ALPK1: variants seen among roughly 807,000 people sequenced by gnomAD.
ALPK1 encodes alpha kinase 1, also known as alpha-protein kinase 1.
ALPK1 carries 110 observed loss-of-function variants against 120.6 expected under a neutral mutation model. The ratio of observed to expected loss-of-function variants is 0.91; its 90% confidence interval spans 0.78 to 1.07. The LOEUF (loss-of-function observed/expected upper bound fraction) is 1.07. Among genes scored for constraint, ALPK1 ranks in the 50% least tolerant of loss-of-function variants. The probability of loss-of-function intolerance (pLI) is 0.00; values close to 1 mark genes in which losing one functional copy is unlikely to be tolerated. For missense variants in ALPK1, 1,498 were observed against 1,483.9 expected, an observed-to-expected ratio of 1.01 and a Z score of -0.16; for synonymous variants, 582 against 560.3, an observed-to-expected ratio of 1.04 and a Z score of -0.55.
intron 5 of ALPK1, chr4:112,415,261 A>G (rs965135740): frequency 7.2e-5 from 11 of 152,354 alleles, no homozygotes; most frequent in African/African-American, 2.2e-4. Context: ...ATGCAAAACT[A>G]TACTCTAGAG....
chr4:112,435,317 A>G lies in ALPK1; in HGVS notation c.3188+16A>G, dbSNP rs1224963131. Reference sequence around the variant, plus strand: ...TTCTGGGGAGGTATTACTTAAAAACATTTGTATAACTAATGTAAGATGAGC... The same window carrying G: ...TTCTGGGGAGGTATTACTTAAAAACGTTTGTATAACTAATGTAAGATGAGC... On this transcript the variant is annotated intron_variant, in intron 12 of 15. Coordinates refer to ENST00000650871, the MANE Select transcript of ALPK1 (RefSeq NM_025144.4). 2 of 1,603,332 alleles carry G rather than the reference A, an allele frequency of 1.2e-6. No homozygotes were observed. The highest frequency in any genetic ancestry group is 1.7e-6 in the Non-Finnish European group (2 of 1,175,862).
chr4:112,328,911 C>A (rs1729233986), intron 2 of ALPK1, among the ~76,000 whole-genome samples: 1 of 152,162 alleles, frequency 6.6e-6, no homozygotes, highest in African/African-American at 2.4e-5. Flanking sequence ...GTCATTATCC[C>A]CAGAGAGCCT....
At chr4:112,309,375 T>G (rs1728288651) in intron 1 of ALPK1, among the ~76,000 whole-genome samples, 1 of 152,186 alleles carries the variant, frequency 6.6e-6, no homozygotes. Context: ...GCAGGCCTCC[T>G]TGAGCTACGG....
chr4:112,384,988 G>A (rs1187996217), intron 4 of ALPK1: 1 of 152,156 alleles, frequency 6.6e-6, no homozygotes, highest in Non-Finnish European at 1.5e-5. Context: ...CAAGGAAGGC[G>A]AGAGCAAAAC....
chr4:112,382,310 T>TTTTTTG, intron 3 of ALPK1, 88 bp from the exon 4 acceptor site: 2 of 762,296 alleles, frequency 2.6e-6, no homozygotes, highest in South Asian at 3.0e-5. Flanking sequence ...TTTTTTTTTT[T>TTTTTTG]GCCACTGAGG....
intron 2 of ALPK1, among the ~76,000 whole-genome samples, chr4:112,344,131 G>A (rs894932207): frequency 2.0e-5 from 3 of 152,200 alleles, no homozygotes; most frequent in Admixed American, 6.5e-5. Flanking sequence ...TTAGAAAAGC[G>A]GGGAAAAAAT....
chr4:112,315,499 C>T (rs1231405568), intron 1 of ALPK1, among the ~76,000 whole-genome samples: 1 of 152,188 alleles, frequency 6.6e-6, no homozygotes, highest in Non-Finnish European at 1.5e-5. Flanking sequence ...GAAGCCCTTT[C>T]CCCTATTTAA....
intron 5 of ALPK1, among the ~76,000 whole-genome samples, chr4:112,420,362 C>T (rs531633374): frequency 2.0e-5 from 3 of 152,178 alleles, no homozygotes; most frequent in Non-Finnish European, 4.4e-5. Context: ...CATGTTCTGG[C>T]TACAACAATA....
chr4:112,370,355 G>A (rs181232657), intron 2 of ALPK1, among the ~76,000 whole-genome samples: 9 of 151,776 alleles, frequency 5.9e-5, no homozygotes, highest in Admixed American at 5.2e-4. Flanking sequence ...AGAATTATCT[G>A]TTTTTATGGT....
chr4:112,367,374 A>G (rs1034162361), intron 2 of ALPK1, among the ~76,000 whole-genome samples: 1 of 152,220 alleles, frequency 6.6e-6, no homozygotes, highest in Non-Finnish European at 1.5e-5. Context: ...TTTCCTTTTT[A>G]TCTGTATTTT....
At chr4:112,315,268 C>G (rs2110537410) in intron 1 of ALPK1, among the ~76,000 whole-genome samples, 1 of 152,202 alleles carries the variant, frequency 6.6e-6, no homozygotes, top group Admixed American at 6.5e-5. Context: ...TGGGGGATTC[C>G]CATTTTTCTG....
chr4:112,355,363 C>T (rs1578493054), intron 2 of ALPK1, among the ~76,000 whole-genome samples: 1 of 152,126 alleles, frequency 6.6e-6, no homozygotes, highest in African/African-American at 2.4e-5. Context: ...GAGGCCCACC[C>T]GGGCCAGTGG....
chr4:112,422,290 G>C (rs897583539), intron 5 of ALPK1, among the ~76,000 whole-genome samples: 1 of 152,090 alleles, frequency 6.6e-6, no homozygotes, highest in Admixed American at 6.5e-5. Flanking sequence ...GGGACAGAGG[G>C]GACTACTGTA....
intron 4 of ALPK1, among the ~76,000 whole-genome samples, chr4:112,408,368 T>C (rs1165085922): frequency 6.6e-6 from 1 of 152,208 alleles, no homozygotes; most frequent in East Asian, 1.9e-4. Flanking sequence ...CAGGAAGGAC[T>C]GGCCTTGCTG....
intron 2 of ALPK1, among the ~76,000 whole-genome samples, chr4:112,376,761 T>C (rs1731680867): frequency 6.6e-6 from 1 of 152,220 alleles, no homozygotes; most frequent in South Asian, 2.1e-4. Context: ...CAGACTCTCT[T>C]GCTTTTGGTA....
intron 1 of ALPK1, among the ~76,000 whole-genome samples, chr4:112,301,277 A>T (rs1727776520): frequency 6.6e-6 from 1 of 152,214 alleles, no homozygotes; most frequent in African/African-American, 2.4e-5. Flanking sequence ...TAGGTTTGAC[A>T]TACACTTCTG....
chr4:112,399,691 ATT>A (rs1732821189), intron 4 of ALPK1, among the ~76,000 whole-genome samples: 1 of 152,086 alleles, frequency 6.6e-6, no homozygotes, highest in Non-Finnish European at 1.5e-5. Flanking sequence ...TCAACCCGTC[ATT>A]TAAGTTTTAA....
intron 1 of ALPK1, among the ~76,000 whole-genome samples, chr4:112,302,689 G>A (rs1464750024): frequency 3.3e-5 from 5 of 152,192 alleles, no homozygotes; most frequent in Non-Finnish European, 5.9e-5. Context: ...TCAGCCCTCT[G>A]CTGCGGCAGT....
intron 5 of ALPK1, among the ~76,000 whole-genome samples, chr4:112,417,473 T>G (rs1262632799): frequency 6.6e-6 from 1 of 152,134 alleles, no homozygotes; most frequent in Non-Finnish European, 1.5e-5. Context: ...TACATAAGGA[T>G]AGTGGGTTTT....
Sources: allele counts gnomAD v4.1 joint callset (sites outside exome capture counted in the v4.1 genomes callset), GRCh38; gene constraint gnomAD v4.1.1; transcripts MANE v1.5; gene names NCBI Gene and HGNC (gene_info 2026-07-23, HGNC 2026-07-21).